The following TRPC5 variants were observed in gnomAD, a reference collection of about 807,000 sequenced individuals.
The protein encoded by TRPC5 is short transient receptor potential channel 5.
TRPC5 carries 9 observed loss-of-function variants against 56.5 expected under a neutral mutation model. The observed-to-expected ratio is 0.16, with a 90% CI of 0.10 to 0.28. TRPC5 has a LOEUF of 0.28. Among genes scored for constraint, TRPC5 ranks in the 10% least tolerant of loss-of-function variants. The pLI is 1.00. For synonymous variants in TRPC5, 282 were observed against 278.5 expected (o/e 1.01, Z -0.13); for missense variants, 469 against 748.9 (o/e 0.63, Z 4.36).
rs756080803 is a variant in TRPC5, at chrX:112,065,452, C to A, written c.-22+16427G>T. Reference sequence around the variant, plus strand: ...CAAGAGCTATCAATACAGCCTCTAACAATCTCTATCCTCGATTTAGGATAT... The same window carrying A: ...CAAGAGCTATCAATACAGCCTCTAAAAATCTCTATCCTCGATTTAGGATAT... On this transcript the variant is annotated intron_variant, in intron 1 of 10. Coordinates refer to ENST00000262839, the MANE Select transcript of TRPC5 (RefSeq NM_012471.3). Among the ~76,000 whole-genome samples, 23 of 112,257 alleles carry A rather than the reference C, an allele frequency of 2.0e-4. No individual in the cohort carries two copies. The East Asian group carries it at 6.4e-3, about 31-fold the overall frequency.
intron 1 of TRPC5, among the ~76,000 whole-genome samples, chrX:112,071,126 AAAAC>A (rs914624899): frequency 1.8e-5 from 2 of 109,827 alleles, no homozygotes; most frequent in Admixed American, 9.8e-5. Context: ...CAATAAAACA[AAAAC>A]AAACAAACAA....
intron 7 of TRPC5, among the ~76,000 whole-genome samples, chrX:111,830,582 T>C (rs1402678708): frequency 2.7e-5 from 3 of 111,327 alleles, no homozygotes; most frequent in African/African-American, 9.8e-5. Context: ...AGTTCCCCTA[T>C]GCTGCTTTCA....
chrX:111,994,889 C>T (rs374619669), intron 1 of TRPC5, among the ~76,000 whole-genome samples: 35 of 111,729 alleles, frequency 3.1e-4, no homozygotes, highest in African/African-American at 1.0e-3. Flanking sequence ...ACTGAATACC[C>T]TTTATTTCTT....
intron 1 of TRPC5, among the ~76,000 whole-genome samples, chrX:111,955,843 G>A (rs1927219932): frequency 8.9e-6 from 1 of 112,247 alleles, no homozygotes; most frequent in Non-Finnish European, 1.9e-5. Flanking sequence ...CTTGGCAGAT[G>A]CACTAATCTG....
intron 3 of TRPC5, among the ~76,000 whole-genome samples, chrX:111,893,698 T>G (rs901246293): frequency 8.9e-6 from 1 of 111,812 alleles, no homozygotes; most frequent in Admixed American, 9.5e-5. Flanking sequence ...GAAGGGGCCA[T>G]GTTTAGCTCC....
chrX:112,022,474 G>A (rs1423333895), intron 1 of TRPC5, among the ~76,000 whole-genome samples: 1 of 112,009 alleles, frequency 8.9e-6, no homozygotes, highest in Non-Finnish European at 1.9e-5. Context: ...TGTATCTCCA[G>A]AGCATAGAAC....
chrX:112,032,346 C>A (rs866852414), intron 1 of TRPC5, among the ~76,000 whole-genome samples: 13 of 96,453 alleles, frequency 1.3e-4, no homozygotes, highest in South Asian at 4.7e-4. Context: ...GAAGGTTCCT[C>A]AAAAAAAAAA....
chrX:111,835,200 G>A (rs1388809170), intron 6 of TRPC5, 84 bp from the exon 7 acceptor site: 16 of 851,587 alleles, frequency 1.9e-5, no homozygotes, highest in South Asian at 1.2e-4. Flanking sequence ...TCTGCTTAAC[G>A]AAGGGGCTGC....
intron 1 of TRPC5, among the ~76,000 whole-genome samples, chrX:111,969,031 A>AC (rs1266648310): frequency 1.8e-5 from 2 of 108,205 alleles, no homozygotes; most frequent in Non-Finnish European, 3.8e-5. Flanking sequence ...AAAAACAACA[A>AC]AAAAAATAAA....
intron 2 of TRPC5, among the ~76,000 whole-genome samples, chrX:111,922,793 C>T (rs1414349503): frequency 2.7e-5 from 3 of 111,381 alleles, no homozygotes; most frequent in African/African-American, 9.8e-5. Context: ...GTCACAGAAC[C>T]CACTGGCCTT....
chrX:111,870,727 A>C (rs1311351793), intron 3 of TRPC5, among the ~76,000 whole-genome samples: 1 of 111,293 alleles, frequency 9.0e-6, no homozygotes, highest in Non-Finnish European at 1.9e-5. Context: ...CTGCCAGGTG[A>C]GTATTGCTCA....
intron 3 of TRPC5, among the ~76,000 whole-genome samples, chrX:111,887,493 A>G (rs1434737834): frequency 1.8e-5 from 2 of 112,186 alleles, no homozygotes; most frequent in African/African-American, 6.5e-5. Context: ...CTCAAGGACT[A>G]CAGGCTTTGC....
At chrX:111,979,386 A>G (rs1393057127) in intron 1 of TRPC5, among the ~76,000 whole-genome samples, 3 of 111,555 alleles carry the variant, frequency 2.7e-5, no homozygotes, top group Middle Eastern at 9.1e-3. Flanking sequence ...AGATATAATG[A>G]AAAATCTTTG....
intron 3 of TRPC5, among the ~76,000 whole-genome samples, chrX:111,905,914 C>CAAAAAAAAAAAAAAA (rs1202912083): frequency 1.4e-4 from 5 of 37,003 alleles, no homozygotes; most frequent in African/African-American, 5.8e-4. Context: ...GTCTCTGTCT[C>CAAAAAAAAAAAAAAA]AAAAAAAAAA....
chrX:111,808,612 A>G (rs1432417186), intron 7 of TRPC5, among the ~76,000 whole-genome samples: 1 of 110,029 alleles, frequency 9.1e-6, no homozygotes, highest in Non-Finnish European at 1.9e-5. Flanking sequence ...ATCAAGGACC[A>G]AAAGAGACTG....
chrX:111,847,170 A>G lies in TRPC5; in HGVS notation c.1644T>C (p.Asp548=). ...LYFYYETRAI[D]EPNNCKGIRC... ...GGATCCCCTTGCAGTTGTTAGGCTC[A>G]TCGATAGCTCTGGTTTCATAATAGA... The change falls in exon 6 of 11, where the codon GAT becomes GAC. Residue 548 remains aspartate, a synonymous_variant. Coordinates refer to ENST00000262839, the MANE Select transcript of TRPC5 (RefSeq NM_012471.3). The G allele has an allele frequency of 8.3e-7, 1 of 1,211,936 alleles. No individual in the cohort carries two copies. The highest frequency in any genetic ancestry group is 1.1e-6 in the Non-Finnish European group (1 of 895,574).
chrX:112,024,286 A>G (rs1384492696), intron 1 of TRPC5, among the ~76,000 whole-genome samples: 1 of 111,768 alleles, frequency 8.9e-6, no homozygotes, highest in Non-Finnish European at 1.9e-5. Flanking sequence ...TTGAATTGGT[A>G]GACTGAGTGA....
At position 111,782,124 on chromosome X, in the gene TRPC5, G is replaced by A. The variant is rs751213479; in HGVS notation, c.1911C>T (p.Ile637=). ...SYQLIADHAD[I]EWKFARTKLW... is the part of the protein sequence containing the mutation. ...GCTTCGTCCTTGCAAACTTCCACTC[G>A]ATATCAGCATGATCCTATGAAAGAT... The change falls in exon 8 of 11, where the codon ATC becomes ATT. Residue 637 remains isoleucine (I), a synonymous_variant. Coordinates refer to ENST00000262839, the MANE Select transcript of TRPC5 (RefSeq NM_012471.3). 10 of 1,205,767 alleles carry A rather than the reference G, an allele frequency of 8.3e-6. No individual in the cohort carries two copies. Among genetic ancestry groups the A allele is most frequent in the South Asian group, 1.8e-5 (1 of 55,962 alleles).
At chrX:111,840,380 A>T (rs1922695527) in intron 6 of TRPC5, among the ~76,000 whole-genome samples, 1 of 112,149 alleles carries the variant, frequency 8.9e-6, no homozygotes, top group South Asian at 3.7e-4. Context: ...TAATACAATG[A>T]GAATGCCATG....
Sources: gnomAD v4.1 joint callset for allele counts (sites outside exome capture counted in the v4.1 genomes callset) on GRCh38, gnomAD v4.1.1 for gene constraint, MANE v1.5 for transcripts, NCBI Gene and HGNC (gene_info 2026-07-23, HGNC 2026-07-21) for gene names.